Variants in PRC1 observed in about 807,000 individuals in gnomAD.
PRC1 encodes the protein anaphase spindle elongation 1 homolog.
Under a neutral mutation model 91.2 loss-of-function variants are expected in PRC1, and 54 were observed. The observed-to-expected ratio is 0.59, with a 90% CI of 0.48 to 0.74. The LOEUF is 0.74. PRC1 is among the 30% of genes least tolerant of loss of function. The pLI is 0.00. For synonymous variants in PRC1, 275 were observed against 263.6 expected, an observed-to-expected ratio of 1.04 and a Z score of -0.42; for missense variants, 727 against 746.2, an observed-to-expected ratio of 0.97 and a Z score of 0.30.
rs1481566600 is a variant in PRC1 at position 90,967,470 on chromosome 15, C to G, written c.1792-268G>C. On this transcript the variant is annotated intron_variant, in intron 14 of 14. Coordinates refer to ENST00000394249, the MANE Select transcript of PRC1 (RefSeq NM_003981.4). Reference sequence around the variant, plus strand: ...TACACCTCACAGAAGAGAAATCCTTCATACAGTCATGCACTGCATAATGAT... The same window carrying G: ...TACACCTCACAGAAGAGAAATCCTTGATACAGTCATGCACTGCATAATGAT... 8 of 494,532 alleles carry G rather than the reference C, an allele frequency of 1.6e-5. No individual in the cohort carries two copies. In the East Asian group the frequency reaches 2.9e-4, roughly 18 times the overall value. The allele number at this position is 494,532 out of a possible 1,614,324, so 30.6% of individuals were successfully genotyped here.
In PRC1 at chr15:90,967,012, C is replaced by T. The variant is rs2037553495; in HGVS notation, c.*119G>A. The stretch of plus-strand genomic sequence containing the variant: ...CACATCTTTAAGTTAGGCCCATGGT[C>T]ATGGAACCTGGCCAAGGTTTCAAGC... On this transcript the variant is annotated 3_prime_UTR_variant, in exon 15 of 15. Transcript: ENST00000394249. The T allele has an allele frequency of 1.2e-6, 1 of 852,388 alleles. No homozygotes were observed. The highest frequency in any genetic ancestry group is 1.9e-6 in the Non-Finnish European group (1 of 516,678). 52.8% of individuals were successfully genotyped at this position (852,388 alleles called of 1,614,324 possible). A position where few individuals can be genotyped will look rare whatever the true frequency, so the allele number is the denominator to read the frequency against.
In PRC1 at chr15:90,984,229, C is replaced by A; in HGVS notation, c.145-89G>T. The A allele has an allele frequency of 6.6e-7, 1 of 1,508,398 alleles. No homozygotes were observed. Among genetic ancestry groups the A allele is most frequent in the Middle Eastern group, 1.8e-4 (1 of 5,690 alleles). 93.4% of individuals were successfully genotyped at this position (1,508,398 alleles called of 1,614,324 possible). A position where few individuals can be genotyped will look rare whatever the true frequency, so the allele number is the denominator to read the frequency against. Reference sequence around the variant, plus strand: ...ACCAAACTCCTCAAATTTCTTTTTTCTTTTTCTTTTTTTCTTTGAGATGGA... The same window carrying A: ...ACCAAACTCCTCAAATTTCTTTTTTATTTTTCTTTTTTTCTTTGAGATGGA... On this transcript the variant is annotated intron_variant, in intron 2 of 14. Transcript: ENST00000394249. The surrounding 1 kb of genome is among the most constrained non-coding windows in gnomAD (Gnocchi z 5.1).
chr15:90,967,832 A>C, intron 14 of PRC1: 2 of 985,074 alleles, frequency 2.0e-6, no homozygotes, highest in Non-Finnish European at 2.4e-6. Flanking sequence ...TAAGCGAGGC[A>C]TGACTCTACT....
At chr15:90,990,407 T>TTG (rs2039906246) in intron 1 of PRC1, among the ~76,000 whole-genome samples, 1 of 138,650 alleles carries the variant, frequency 7.2e-6, no homozygotes, top group Non-Finnish European at 1.5e-5. Flanking sequence ...TTTTTTTTTT[T>TTG]AAGAGGTAGA....
Position 90,979,304 on chromosome 15 carries a change from A to AGTG in PRC1, c.971-11_971-10insCAC. 6.2e-7 allele frequency: 1 copy of AGTG among 1,609,228 alleles called. No individual in the cohort carries two copies. The highest frequency in any genetic ancestry group is 8.5e-7 in the Non-Finnish European group (1 of 1,178,522). ...CTTTCTGTGTAGTCCTCTGCAAAAT[A>AGTG]TAGGCCCAGTAGTTTAAAACAATTC... On this transcript the variant is annotated splice_polypyrimidine_tract_variant and intron_variant, in intron 7 of 14. Transcript: ENST00000394249.
Position 90,967,044 on chromosome 15 carries a change from A to T in PRC1, c.*87T>A. 8.1e-7 allele frequency: 1 copy of T among 1,231,310 alleles called. No individual in the cohort carries two copies. The highest frequency in any genetic ancestry group is 1.5e-5 in the African/African-American group (1 of 66,598). The allele number at this position is 1,231,310 out of a possible 1,614,324, so 76.3% of individuals were successfully genotyped here. A position where few individuals can be genotyped will look rare whatever the true frequency, so the allele number is the denominator to read the frequency against. On this transcript the variant is annotated 3_prime_UTR_variant, in exon 15 of 15. Coordinates refer to ENST00000394249, the MANE Select transcript of PRC1 (RefSeq NM_003981.4). ...CCTGGCCAAGGTTTCAAGCACGCCT[A>T]AGCTGAAGAAAAACTAAAGTCACCC... is the stretch of plus-strand genomic sequence containing the variant.
rs1279670834 is a variant in PRC1, at chr15:90,980,323, T to C, written c.889A>G (p.Ile297Val). ...CAGTACTGAACCAGCTCCACTCGAATTGCCTCAATCACTTTCTTCATGTTT... is the reference window on the plus strand; with the variant it reads ...CAGTACTGAACCAGCTCCACTCGAACTGCCTCAATCACTTTCTTCATGTTT... ...MQNMKKVIEAIRVELVQYWDQ... is the reference protein window; with the variant it reads ...MQNMKKVIEAVRVELVQYWDQ... The change falls in exon 7 of 15, where the codon ATT (isoleucine) becomes GTT (valine). Residue 297 changes from isoleucine to valine, a missense_variant. Ile to Val is a conservative substitution (Grantham distance 29). Coordinates refer to ENST00000394249, the MANE Select transcript of PRC1 (RefSeq NM_003981.4). 12 of 1,614,014 alleles carry C rather than the reference T, an allele frequency of 7.4e-6. No individual in the cohort carries two copies. The highest frequency in any genetic ancestry group is 2.2e-5 in the East Asian group (1 of 44,894).
intron 6 of PRC1, 28 bp downstream of exon 6, chr15:90,980,856 C>G: frequency 6.2e-7 from 1 of 1,613,836 alleles, no homozygotes; most frequent in Non-Finnish European, 8.5e-7. Flanking sequence ...GAGAAGACTG[C>G]TGACCCAGTA....
rs1329467162 is a variant in PRC1 at position 90,984,922 on chromosome 15, G to T, written c.12-97C>A. ...AACTAAAAAGACTAGCTTCTCAGTG[G>T]CCTCGAGAAAAAAACAAATTGAAAA... On this transcript the variant is annotated intron_variant, in intron 1 of 14. Transcript: ENST00000394249. This position sits in a 1 kb window ranked among gnomAD's most constrained non-coding sequence, Gnocchi z 5.1. 1.1e-5 allele frequency: 16 copies of T among 1,473,634 alleles called. No individual in the cohort carries two copies. Among genetic ancestry groups the T allele is most frequent in the Non-Finnish European group, 1.4e-5 (15 of 1,089,990 alleles). The allele number at this position is 1,473,634 out of a possible 1,614,324, so 91.3% of individuals were successfully genotyped here.
At chr15:90,989,796 C>A (rs772838795) in intron 1 of PRC1, among the ~76,000 whole-genome samples, 1 of 152,052 alleles carries the variant, frequency 6.6e-6, no homozygotes, top group African/African-American at 2.4e-5. Flanking sequence ...GTCAAAGAAG[C>A]AAGTCACAAA....
chr15:90,981,246 T>A, intron 5 of PRC1: 1 of 726,944 alleles, frequency 1.4e-6, no homozygotes, highest in Non-Finnish European at 2.2e-6. Flanking sequence ...TGAAAAAAAT[T>A]TTAATTAAAC....
chr15:90,977,009 A>C (rs2038766522), intron 8 of PRC1, among the ~76,000 whole-genome samples: 1 of 151,972 alleles, frequency 6.6e-6, no homozygotes, highest in Non-Finnish European at 1.5e-5. Context: ...GCGCACGTGC[A>C]GTCCCAGCTA....
chr15:90,969,726 A>G, intron 12 of PRC1, 103 bp from the exon 13 acceptor site: 2 of 779,256 alleles, frequency 2.6e-6, no homozygotes, highest in South Asian at 6.4e-5. Flanking sequence ...CTTTATATTC[A>G]TGTCTATAAT....
At chr15:90,975,739 T>C (rs1401829697) in intron 9 of PRC1, among the ~76,000 whole-genome samples, 3 of 152,142 alleles carry the variant, frequency 2.0e-5, no homozygotes, top group African/African-American at 7.2e-5. Context: ...AACCCTAGCA[T>C]TCCTGAGACC....
At chr15:90,989,316 T>C (rs540628154) in intron 1 of PRC1, among the ~76,000 whole-genome samples, 5 of 151,942 alleles carry the variant, frequency 3.3e-5, no homozygotes, top group African/African-American at 1.2e-4. Flanking sequence ...GGTGTGATCA[T>C]AGCTCAACGC....
Position 90,966,673 on chromosome 15 carries a change from C to T in PRC1, c.*458G>A, listed in dbSNP as rs1009534562. On this transcript the variant is annotated 3_prime_UTR_variant, in exon 15 of 15. Transcript: ENST00000394249. ...GCTGTCCTGTGTGGTGGGGACAAGG[C>T]TTCAGGTAAGAGCAAAGCTATGATA... The T allele has an allele frequency of 1.1e-5, 5 of 456,108 alleles. No homozygotes were observed. The highest frequency in any genetic ancestry group is 1.0e-4 in the African/African-American group (5 of 50,050). The allele number at this position is 456,108 out of a possible 1,614,324, so 28.3% of individuals were successfully genotyped here.
At chr15:90,973,021 C>G (rs376817366) in intron 11 of PRC1, 1 of 152,288 alleles carries the variant, frequency 6.6e-6, no homozygotes, top group Non-Finnish European at 1.5e-5. Context: ...CTATAGGCCG[C>G]TACTCAGCCT....
At chr15:90,979,422 T>C (rs933775490) in intron 7 of PRC1, 128 bp from the exon 8 acceptor site, 10 of 867,638 alleles carry the variant, frequency 1.2e-5, no homozygotes, top group African/African-American at 1.7e-5. Context: ...GGAAGAGGCG[T>C]GTGTGTGTGT....
intron 12 of PRC1, 140 bp from the exon 13 acceptor site, chr15:90,969,763 CATATATA>C (rs1251274195): frequency 1.5e-5 from 2 of 130,832 alleles, no homozygotes; most frequent in Non-Finnish European, 3.5e-5. Flanking sequence ...AAAAAAAAAA[CATATATA>C]TATATATATA....
Sources: gnomAD v4.1 joint callset for allele counts (sites outside exome capture counted in the v4.1 genomes callset) on GRCh38, gnomAD v4.1.1 for gene constraint, Gnocchi (gnomAD v3.1) non-coding constraint, MANE v1.5 for transcripts, NCBI Gene and HGNC (gene_info 2026-07-23, HGNC 2026-07-21) for gene names.